NAV1: variants seen among roughly 807,000 people sequenced by gnomAD.
NAV1 encodes the protein pore membrane and/or filament interacting like protein 3.
A neutral mutation model predicts 175.2 loss-of-function variants in NAV1; 18 were observed. The ratio of observed to expected loss-of-function variants is 0.10; its 90% CI spans 0.07 to 0.15. The LOEUF is 0.15. Among genes scored for constraint, NAV1 ranks in the 10% least tolerant of loss-of-function variants. The pLI is 1.00. For missense variants in NAV1, 1,731 were observed against 2,436.6 expected, an observed-to-expected ratio of 0.71 and a Z score of 6.10; for synonymous variants, 897 against 978.7, an observed-to-expected ratio of 0.92 and a Z score of 1.56.
At chr1:201,632,022 C>G (rs1227908633) in intron 2 of NAV1, among the ~76,000 whole-genome samples, 1 of 152,142 alleles carries the variant, frequency 6.6e-6, no homozygotes, top group Non-Finnish European at 1.5e-5. Flanking sequence ...TGTTTCTTCT[C>G]TACCAGCTGA....
chr1:201,650,813 G>T (rs1443289161), intron 1 of NAV1, among the ~76,000 whole-genome samples: 1 of 152,150 alleles, frequency 6.6e-6, no homozygotes, highest in East Asian at 1.9e-4. Flanking sequence ...ACTGGACAAG[G>T]GCAAAAGAAG....
intron 17 of NAV1, among the ~76,000 whole-genome samples, chr1:201,805,947 G>C (rs1390221059): frequency 6.6e-6 from 1 of 151,394 alleles, no homozygotes; most frequent in African/African-American, 2.4e-5. Flanking sequence ...TGATACCATC[G>C]TCAAATAAAT....
At chr1:201,806,221 C>G (rs1287977099) in intron 17 of NAV1, among the ~76,000 whole-genome samples, 3 of 152,090 alleles carry the variant, frequency 2.0e-5, no homozygotes, top group Non-Finnish European at 4.4e-5. Flanking sequence ...CTGACCTCAG[C>G]TGATTCGCCC....
chr1:201,660,354 A>G (rs1276396606), intron 1 of NAV1, among the ~76,000 whole-genome samples: 1 of 152,026 alleles, frequency 6.6e-6, no homozygotes, highest in Non-Finnish European at 1.5e-5. Flanking sequence ...GCTGCTTGAC[A>G]GGCAGCATCG....
chr1:201,711,860 TGAAG>T lies in NAV1; in HGVS notation c.758-948_758-945del, dbSNP rs1409248687. Reference sequence around the variant, plus strand: ...CTTGATAAAGATTCATTGGATGAACTGAAGGAAGGAAGAACATTCTTTGAGTTCC... The same window carrying T: ...CTTGATAAAGATTCATTGGATGAACTGAAGGAAGAACATTCTTTGAGTTCC... On this transcript the variant is annotated intron_variant, in intron 1 of 29. Coordinates refer to ENST00000367296, the Ensembl canonical transcript of NAV1. Among the ~76,000 whole-genome samples, 3 of 152,250 alleles carry T rather than the reference TGAAG, an allele frequency of 2.0e-5. No individual in the cohort carries two copies. The East Asian group carries it at 5.8e-4, about 29-fold the overall frequency.
chr1:201,552,114 G>A (rs1312925479), intron 1 of NAV1, among the ~76,000 whole-genome samples: 1 of 152,210 alleles, frequency 6.6e-6, no homozygotes, highest in Admixed American at 6.5e-5. Flanking sequence ...TGCTGAGCTG[G>A]CCACAGAGAC....
chr1:201,549,499 G>C (rs543857355), intron 1 of NAV1, among the ~76,000 whole-genome samples: 2 of 152,208 alleles, frequency 1.3e-5, no homozygotes, highest in African/African-American at 4.8e-5. Context: ...ATGCGCCAAC[G>C]CGCCTGGCCT....
At chr1:201,734,714 ACT>A (rs988458118) in intron 3 of NAV1, among the ~76,000 whole-genome samples, 1 of 151,934 alleles carries the variant, frequency 6.6e-6, no homozygotes, top group African/African-American at 2.4e-5. Context: ...ACACACACAC[ACT>A]CACACACACC....
intron 3 of NAV1, among the ~76,000 whole-genome samples, chr1:201,737,750 C>A (rs936792683): frequency 2.0e-5 from 3 of 152,202 alleles, no homozygotes; most frequent in African/African-American, 4.8e-5. Flanking sequence ...GCTGAGAAAA[C>A]CACAAAGGAG....
At chr1:201,664,637 G>A (rs1416319297) in intron 1 of NAV1, among the ~76,000 whole-genome samples, 1 of 152,204 alleles carries the variant, frequency 6.6e-6, no homozygotes, top group African/African-American at 2.4e-5. Flanking sequence ...GCCCTTGGCA[G>A]CTCCCTGTCC....
At chr1:201,602,830 A>C (rs1162332445) in intron 2 of NAV1, among the ~76,000 whole-genome samples, 1 of 151,244 alleles carries the variant, frequency 6.6e-6, no homozygotes, top group Non-Finnish European at 1.5e-5. Flanking sequence ...GCTGACTTTC[A>C]CCAGTCCCCC....
chr1:201,728,707 A>G (rs1672721668), intron 3 of NAV1, among the ~76,000 whole-genome samples: 1 of 151,994 alleles, frequency 6.6e-6, no homozygotes, highest in Non-Finnish European at 1.5e-5. Flanking sequence ...GCAATCCCCG[A>G]TCCCCCCTGA....
intron 15 of NAV1, chr1:201,795,959 G>C (rs556581795): frequency 6.6e-6 from 1 of 152,184 alleles, no homozygotes; most frequent in East Asian, 1.9e-4. Flanking sequence ...TGTTAGCAAA[G>C]TGTTTTTAAG....
intron 1 of NAV1, among the ~76,000 whole-genome samples, chr1:201,653,334 C>T (rs919826578): frequency 3.9e-5 from 6 of 152,198 alleles, no homozygotes; most frequent in African/African-American, 1.2e-4. Flanking sequence ...TAAAAGAACC[C>T]AGGAACCTGG....
At chr1:201,680,189 G>C (rs1381384108) in intron 1 of NAV1, among the ~76,000 whole-genome samples, 2 of 152,162 alleles carry the variant, frequency 1.3e-5, no homozygotes, top group Admixed American at 1.3e-4. Flanking sequence ...CACGGCAAGA[G>C]AGAGAGGAAG....
chr1:201,548,980 T>C (rs1665747693), intron 1 of NAV1, among the ~76,000 whole-genome samples: 1 of 152,216 alleles, frequency 6.6e-6, no homozygotes, highest in East Asian at 1.9e-4. Context: ...GACAGGAAAC[T>C]GTTGCTTGTT....
At chr1:201,741,893 C>T (rs887912448) in intron 3 of NAV1, among the ~76,000 whole-genome samples, 1 of 152,202 alleles carries the variant, frequency 6.6e-6, no homozygotes, top group Admixed American at 6.5e-5. Context: ...TCACCTAGCT[C>T]ATTACCAGAA....
intron 2 of NAV1, among the ~76,000 whole-genome samples, chr1:201,598,455 T>G (rs1448130584): frequency 6.6e-6 from 1 of 151,492 alleles, no homozygotes; most frequent in African/African-American, 2.4e-5. Context: ...GGCCTCAGGG[T>G]GGAAATGGTG....
In NAV1 at chr1:201,768,142, T is replaced by C. The variant is rs147325797; in HGVS notation, c.1227-12279T>C. On this transcript the variant is annotated intron_variant, in intron 3 of 29. Coordinates refer to ENST00000367296, the Ensembl canonical transcript of NAV1. The stretch of plus-strand genomic sequence containing the variant: ...GAGTTCGAGACCAGCCTGGACAACA[T>C]GGTGAAACCCCATCTCTACTAAAAA... Among the ~76,000 whole-genome samples, 472 of 151,996 alleles carry C rather than the reference T, an allele frequency of 3.1e-3. 1 individual carries two copies. Among genetic ancestry groups the C allele is most frequent in the Non-Finnish European group, 5.7e-3 (388 of 67,956 alleles).
Sources: allele counts gnomAD v4.1 joint callset (sites outside exome capture counted in the v4.1 genomes callset), GRCh38; gene constraint gnomAD v4.1.1; transcripts MANE v1.5; gene names NCBI Gene and HGNC (gene_info 2026-07-23, HGNC 2026-07-21).